The following MCPH1 variants were observed in gnomAD, a reference collection of about 807,000 sequenced individuals.
MCPH1 encodes the protein microcephalin 1, also known as microcephalin.
MCPH1 carries 104 observed loss-of-function variants against 84.5 expected under a neutral mutation model. That is an observed-to-expected ratio of 1.23 (90% CI 1.05 to 1.45). MCPH1 has a LOEUF of 1.45. MCPH1 is among the 40% of genes most tolerant of loss of function. The pLI, the probability that MCPH1 is intolerant of heterozygous loss-of-function variation, is 0.00. For missense variants in MCPH1, 1,498 were observed against 1,005.7 expected (o/e 1.49, Z -6.62); for synonymous variants, 514 against 366.8 (o/e 1.40, Z -4.58).
chr8:6,498,626 G>A (rs148462609), intron 11 of MCPH1, among the ~76,000 whole-genome samples: 218 of 152,224 alleles, frequency 1.4e-3, no homozygotes, highest in African/African-American at 5.1e-3. Context: ...AATGCCGCAC[G>A]CATTTTTAAG....
intron 13 of MCPH1, chr8:6,626,925 G>T: frequency 1.0e-6 from 1 of 983,702 alleles, no homozygotes; most frequent in Non-Finnish European, 1.2e-6. Context: ...CCATTCAAGT[G>T]ATAAGACATA....
At chr8:6,519,222 C>A (rs1013413531) in intron 12 of MCPH1, among the ~76,000 whole-genome samples, 1 of 152,164 alleles carries the variant, frequency 6.6e-6, no homozygotes, top group Non-Finnish European at 1.5e-5. Flanking sequence ...TCCTGCGTGT[C>A]CCTCAGACCA....
At chr8:6,628,509 C>G (rs1255892441) in intron 13 of MCPH1, among the ~76,000 whole-genome samples, 1 of 145,622 alleles carries the variant, frequency 6.9e-6, no homozygotes, top group Non-Finnish European at 1.5e-5. Flanking sequence ...AAAAGCAGAC[C>G]AAAAAAATCC....
At chr8:6,627,952 T>A (rs1054810010) in intron 13 of MCPH1, among the ~76,000 whole-genome samples, 8 of 151,952 alleles carry the variant, frequency 5.3e-5, no homozygotes, top group African/African-American at 1.9e-4. Flanking sequence ...TTAAAAAAAA[T>A]TAACTAACTG....
intron 13 of MCPH1, chr8:6,625,066 G>C (rs1475287586): frequency 1.8e-6 from 1 of 552,702 alleles, no homozygotes; most frequent in Admixed American, 6.4e-5. Context: ...GTAGAGATGA[G>C]GTTTCACCAT....
chr8:6,437,559 C>T (rs577887504), intron 5 of MCPH1, among the ~76,000 whole-genome samples: 48 of 152,140 alleles, frequency 3.2e-4, no homozygotes, highest in Non-Finnish European at 1.5e-4. Flanking sequence ...GACGATAATG[C>T]GACAGAACTG....
At chr8:6,424,046 T>G (rs1800674299) in intron 3 of MCPH1, among the ~76,000 whole-genome samples, 1 of 152,326 alleles carries the variant, frequency 6.6e-6, no homozygotes, top group South Asian at 2.1e-4. Flanking sequence ...AGCTCATGGT[T>G]TCCACTGAAA....
chr8:6,461,358 C>T (rs1162018801), intron 9 of MCPH1, among the ~76,000 whole-genome samples: 1 of 132,586 alleles, frequency 7.5e-6, no homozygotes, highest in Non-Finnish European at 1.5e-5. Context: ...TGGAGTCTCG[C>T]TCTGTTGTCC....
At chr8:6,470,887 C>T (rs6989935) in intron 9 of MCPH1, among the ~76,000 whole-genome samples, 23,610 of 152,246 alleles carry the variant, frequency 0.16, 1,955 homozygotes, top group Middle Eastern at 0.25. Context: ...GTAAGATGTA[C>T]ATAAACTAAG....
rs1428286428 is a variant in MCPH1 at position 6,445,204 on chromosome 8, A to G, written c.1482A>G (p.Ala494=). Residue 494 remains alanine, a synonymous_variant, in exon 8 of 14, where the codon GCA becomes GCG. Coordinates refer to ENST00000344683, the MANE Select transcript of MCPH1 (RefSeq NM_024596.5). ...PRKTGNGEGR[A]TSSCVTSAPE... ...AAACTGGAAATGGTGAAGGCCGTGC[A>G]ACTTCGAGTTGCGTGACTTCTGCCC... 1.9e-6 allele frequency: 3 copies of G among 1,614,126 alleles called. No homozygotes were observed. Among genetic ancestry groups the G allele is most frequent in the Non-Finnish European group, 2.5e-6 (3 of 1,180,048 alleles).
intron 12 of MCPH1, among the ~76,000 whole-genome samples, chr8:6,549,816 C>T (rs895542212): frequency 6.6e-6 from 1 of 152,122 alleles, no homozygotes; most frequent in Non-Finnish European, 1.5e-5. Context: ...CGCACAGATA[C>T]AAAAATTTAC....
At chr8:6,437,844 C>T (rs1802901487) in intron 5 of MCPH1, among the ~76,000 whole-genome samples, 1 of 152,216 alleles carries the variant, frequency 6.6e-6, no homozygotes, top group African/African-American at 2.4e-5. Flanking sequence ...CCTCTCTCCC[C>T]TGATGCCTGG....
rs539491399 is a variant in MCPH1, at chr8:6,444,911, G to A, written c.1189G>A (p.Val397Met). 103 of 1,614,158 alleles carry A rather than the reference G, an allele frequency of 6.4e-5. 2 individuals are homozygous for A. In the South Asian group the frequency reaches 1.0e-3, roughly 16 times the overall value. The change falls in exon 8 of 14, where the codon GTG (valine) becomes ATG (methionine). Residue 397 changes from valine (V) to methionine (M), a missense_variant. Coordinates refer to ENST00000344683, the MANE Select transcript of MCPH1 (RefSeq NM_024596.5). Reference protein sequence around the residue: ...LCRSEDRLQHVAGPALEALSC... With the variant: ...LCRSEDRLQHMAGPALEALSC... ...CAGGTCGGAAGACAGGCTGCAGCAC[G>A]TGGCGGGACCTGCCCTGGAGGCTCT...
At chr8:6,624,354 C>T (rs557276067) in intron 13 of MCPH1, among the ~76,000 whole-genome samples, 1 of 152,334 alleles carries the variant, frequency 6.6e-6, no homozygotes, top group Non-Finnish European at 1.5e-5. Flanking sequence ...AGACCTCACC[C>T]ATGTGAGACA....
chr8:6,617,821 C>T (rs778307901), intron 12 of MCPH1, among the ~76,000 whole-genome samples: 49 of 152,080 alleles, frequency 3.2e-4, no homozygotes, highest in Non-Finnish European at 1.2e-4. Flanking sequence ...AAACTATAGG[C>T]ATGTGACACC....
chr8:6,484,208 A>C (rs897818832), intron 11 of MCPH1, among the ~76,000 whole-genome samples: 1 of 152,248 alleles, frequency 6.6e-6, no homozygotes. Context: ...AATACTGAAC[A>C]ATAAGAAAAC....
intron 12 of MCPH1, chr8:6,616,657 TG>T: frequency 6.6e-6 from 1 of 152,262 alleles, no homozygotes; most frequent in Admixed American, 6.5e-5. Flanking sequence ...CTTCTGCCAC[TG>T]CCTCCTCAAC....
intron 12 of MCPH1, among the ~76,000 whole-genome samples, chr8:6,512,115 C>A (rs185031206): frequency 6.6e-6 from 1 of 152,062 alleles, no homozygotes; most frequent in East Asian, 1.9e-4. Context: ...CCTGATCTTT[C>A]CATAATGAGA....
In MCPH1 at chr8:6,560,524, G is replaced by C. The variant is rs186763988; in HGVS notation, c.2214+60595G>C. 1.1e-4 allele frequency among the ~76,000 whole-genome samples: 16 copies of C among 152,276 alleles called. No individual in the cohort carries two copies. In the East Asian group the frequency reaches 3.1e-3, roughly 29 times the overall value. On this transcript the variant is annotated intron_variant, in intron 12 of 13. Coordinates refer to ENST00000344683, the MANE Select transcript of MCPH1 (RefSeq NM_024596.5). ...CCAAGCCAGAAGCCGTAAACCGAGC[G>C]AGAGTGCAAATTGCCTTTCTCAGGT...
Sources: gnomAD v4.1 joint callset for allele counts (sites outside exome capture counted in the v4.1 genomes callset) on GRCh38, gnomAD v4.1.1 for gene constraint, MANE v1.5 for transcripts, NCBI Gene and HGNC (gene_info 2026-07-23, HGNC 2026-07-21) for gene names.